Variants in EPHA5 observed in about 807,000 individuals in gnomAD.
EPHA5 encodes EPH receptor A5, also known as ephrin type-A receptor 5.
Under a neutral mutation model 105.0 loss-of-function variants are expected in EPHA5, and 60 were observed. The observed-to-expected ratio is 0.57, with a 90% CI of 0.46 to 0.71. The LOEUF (loss-of-function observed/expected upper bound fraction) is 0.71, where lower values mean the gene tolerates loss of function less well. EPHA5 is among the 30% of genes least tolerant of loss of function. The pLI is 0.00. For synonymous variants in EPHA5, 513 were observed against 449.1 expected (o/e 1.14, Z -1.80); for missense variants, 1,218 against 1,274.7 (o/e 0.96, Z 0.68).
intron 5 of EPHA5, among the ~76,000 whole-genome samples, chr4:65,455,842 A>T (rs1727530489): frequency 6.6e-6 from 1 of 152,184 alleles, no homozygotes; most frequent in Non-Finnish European, 1.5e-5. Context: ...AACACATAGG[A>T]TCGGTTTTCT....
At chr4:65,574,721 CATATATATACAT>C (rs1279815210) in intron 3 of EPHA5, among the ~76,000 whole-genome samples, 13 of 69,464 alleles carry the variant, frequency 1.9e-4, no homozygotes, top group African/African-American at 5.3e-4. Flanking sequence ...TATATATATA[CATATATATACAT>C]ATATATATAC....
chr4:65,377,197 AT>A, intron 8 of EPHA5: 4 of 691,028 alleles, frequency 5.8e-6, no homozygotes, highest in South Asian at 5.3e-5. Flanking sequence ...CATACAATTA[AT>A]TTTTTTCCAC....
rs182435448 is a variant in EPHA5 at position 65,507,921 on chromosome 4, A to C, written c.911-12378T>G. 8.5e-4 allele frequency among the ~76,000 whole-genome samples: 129 copies of C among 151,126 alleles called. 1 individual carries two copies. The highest frequency in any genetic ancestry group is 3.0e-3 in the African/African-American group (124 of 40,744). On this transcript the variant is annotated intron_variant, in intron 3 of 16. Coordinates refer to ENST00000613740, the MANE Select transcript of EPHA5 (RefSeq NM_001281766.3). ...ATTTTCTCTAAATTAATAGATACCC[A>C]AATTCCCCACTCATAGTTTTTTCTC... is the stretch of plus-strand genomic sequence containing the variant.
chr4:65,358,008 T>C (rs1183661493), intron 11 of EPHA5, among the ~76,000 whole-genome samples: 2 of 151,404 alleles, frequency 1.3e-5, no homozygotes, highest in African/African-American at 4.8e-5. Context: ...GTTGATCTAG[T>C]CCTTGTTTCT....
At chr4:65,655,244 C>G (rs560268383) in intron 1 of EPHA5, among the ~76,000 whole-genome samples, 1 of 152,054 alleles carries the variant, frequency 6.6e-6, no homozygotes, top group Non-Finnish European at 1.5e-5. Context: ...TAAATATACA[C>G]TGTTTTTTTG....
At chr4:65,464,173 T>G (rs1728386267) in intron 5 of EPHA5, among the ~76,000 whole-genome samples, 1 of 151,854 alleles carries the variant, frequency 6.6e-6, no homozygotes, top group African/African-American at 2.4e-5. Context: ...ATAACTTTAT[T>G]TTGGGAAGTG....
intron 2 of EPHA5, among the ~76,000 whole-genome samples, chr4:65,639,611 G>A (rs1747460207): frequency 6.6e-6 from 1 of 152,154 alleles, no homozygotes; most frequent in African/African-American, 2.4e-5. Flanking sequence ...TTTCCTGAAT[G>A]TGTGCATTAA....
At chr4:65,528,510 G>T (rs11937842) in intron 3 of EPHA5, among the ~76,000 whole-genome samples, 31,964 of 151,936 alleles carry the variant, frequency 0.21, 3,482 homozygotes, top group Admixed American at 0.26. Flanking sequence ...AATCCGTAGA[G>T]AATTCAATGT....
intron 3 of EPHA5, among the ~76,000 whole-genome samples, chr4:65,580,417 T>C (rs1488097466): frequency 1.3e-5 from 2 of 151,838 alleles, no homozygotes; most frequent in Non-Finnish European, 3.0e-5. Context: ...TTTTCAAGTT[T>C]AACATAAAAT....
intron 3 of EPHA5, among the ~76,000 whole-genome samples, chr4:65,553,099 T>A (rs1299728340): frequency 6.6e-6 from 1 of 152,064 alleles, no homozygotes; most frequent in Non-Finnish European, 1.5e-5. Flanking sequence ...GACATATTAA[T>A]AAAATTAATA....
At chr4:65,442,442 A>G (rs1726109868) in intron 5 of EPHA5, among the ~76,000 whole-genome samples, 1 of 152,128 alleles carries the variant, frequency 6.6e-6, no homozygotes, top group Admixed American at 6.6e-5. Context: ...GAATTGTGAG[A>G]AAATTAATTT....
At chr4:65,515,162 AC>A (rs2149267598) in intron 3 of EPHA5, among the ~76,000 whole-genome samples, 1 of 152,160 alleles carries the variant, frequency 6.6e-6, no homozygotes, top group African/African-American at 2.4e-5. Context: ...ATGCTAATAG[AC>A]TTGATTAAAC....
chr4:65,529,691 G>C (rs1373035849), intron 3 of EPHA5, among the ~76,000 whole-genome samples: 1 of 152,052 alleles, frequency 6.6e-6, no homozygotes. Context: ...AATCACATAA[G>C]TGTGCTTGCA....
At chr4:65,438,091 G>A (rs968282587) in intron 5 of EPHA5, among the ~76,000 whole-genome samples, 3 of 151,912 alleles carry the variant, frequency 2.0e-5, no homozygotes, top group Non-Finnish European at 4.4e-5. Context: ...AGCCTATCAT[G>A]TGCCAGGCAT....
chr4:65,331,002 T>A, intron 16 of EPHA5: 2 of 1,043,018 alleles, frequency 1.9e-6, no homozygotes, highest in Non-Finnish European at 2.3e-6. Flanking sequence ...ATTCAATGAA[T>A]CAAAGAATGT....
intron 5 of EPHA5, among the ~76,000 whole-genome samples, chr4:65,452,842 A>G (rs1727197703): frequency 6.6e-6 from 1 of 152,174 alleles, no homozygotes; most frequent in African/African-American, 2.4e-5. Flanking sequence ...CATCTTTAAC[A>G]CTCTAGGTAC....
intron 2 of EPHA5, among the ~76,000 whole-genome samples, chr4:65,625,941 T>C (rs903362686): frequency 6.6e-6 from 1 of 151,772 alleles, no homozygotes; most frequent in African/African-American, 2.4e-5. Flanking sequence ...CTACTAAAAA[T>C]ACAAAAAAAT....
At chr4:65,475,541 A>G (rs928051696) in intron 5 of EPHA5, among the ~76,000 whole-genome samples, 3 of 152,162 alleles carry the variant, frequency 2.0e-5, no homozygotes, top group African/African-American at 7.2e-5. Flanking sequence ...AGGCTTTAAG[A>G]ACTGTGTTCC....
intron 8 of EPHA5, among the ~76,000 whole-genome samples, chr4:65,384,596 C>T (rs1719902412): frequency 6.6e-6 from 1 of 151,898 alleles, no homozygotes; most frequent in South Asian, 2.1e-4. Context: ...CATTATTACC[C>T]TATCCTGTCT....
Sources: allele counts gnomAD v4.1 joint callset (sites outside exome capture counted in the v4.1 genomes callset), GRCh38; gene constraint gnomAD v4.1.1; transcripts MANE v1.5; gene names NCBI Gene and HGNC (gene_info 2026-07-23, HGNC 2026-07-21).